Variants in CC2D2B observed in about 807,000 individuals in gnomAD.
CC2D2B encodes the protein coiled-coil and C2 domain containing 2B, also known as protein CC2D2B.
A neutral mutation model predicts 161.2 loss-of-function variants in CC2D2B; 128 were observed. That is an observed-to-expected ratio of 0.79 (90% CI 0.69 to 0.92). CC2D2B has a LOEUF of 0.92. Among genes scored for constraint, CC2D2B ranks in the 40% least tolerant of loss-of-function variants. CC2D2B has a pLI of 0.00. For missense variants in CC2D2B, 1,173 were observed against 1,375.1 expected, an observed-to-expected ratio of 0.85 and a Z score of 2.32; for synonymous variants, 391 against 449.8, an observed-to-expected ratio of 0.87 and a Z score of 1.65.
chr10:96,009,836 C>G lies in CC2D2B; in HGVS notation c.2958C>G (p.Leu986=). 1 of 1,558,702 alleles carries G rather than the reference C, an allele frequency of 6.4e-7. No individual in the cohort carries two copies. The highest frequency in any genetic ancestry group is 8.7e-7 in the Non-Finnish European group (1 of 1,144,476). ...ATTTATTTTCATAGGATCACTGTCT[C>G]AAGAGCTGTAGTGGTCACTCATATA... is the stretch of plus-strand genomic sequence containing the variant. ...MMTEKHEDHC[L]KSCSGHSYIR... is the part of the protein sequence containing the mutation. The change falls in exon 26 of 35, where the codon CTC becomes CTG. Residue 986 remains leucine (L), a synonymous_variant. Transcript: ENST00000646931.
chr10:96,000,376 A>G (rs2078429651), intron 24 of CC2D2B: 1 of 330,512 alleles, frequency 3.0e-6, no homozygotes, highest in Admixed American at 6.5e-5. Flanking sequence ...TTATATATTT[A>G]TCTTTGAGGC....
intron 30 of CC2D2B, among the ~76,000 whole-genome samples, chr10:96,017,259 C>A (rs1307013856): frequency 6.6e-6 from 1 of 152,150 alleles, no homozygotes; most frequent in East Asian, 1.9e-4. Context: ...TACAGTCTTG[C>A]CTTATGGTTT....
intron 17 of CC2D2B, among the ~76,000 whole-genome samples, chr10:95,981,540 C>T (rs879642608): frequency 3.3e-5 from 5 of 151,246 alleles, no homozygotes; most frequent in Admixed American, 1.3e-4. Context: ...ATTTTCTGTG[C>T]TTTCTTAATT....
At chr10:95,917,490 GT>G (rs1300127116) in intron 2 of CC2D2B, among the ~76,000 whole-genome samples, 1 of 151,548 alleles carries the variant, frequency 6.6e-6, no homozygotes, top group Non-Finnish European at 1.5e-5. Flanking sequence ...TCTGTCTTCT[GT>G]TTTTGGTGAA....
chr10:95,990,976 G>A (rs2077930868), intron 20 of CC2D2B, among the ~76,000 whole-genome samples: 1 of 152,174 alleles, frequency 6.6e-6, no homozygotes, highest in East Asian at 1.9e-4. Context: ...AAAATTCCTT[G>A]GGTTTGTAGA....
At chr10:96,026,982 G>A (rs1040728148) in intron 33 of CC2D2B, among the ~76,000 whole-genome samples, 2 of 152,164 alleles carry the variant, frequency 1.3e-5, no homozygotes, top group Non-Finnish European at 2.9e-5. Flanking sequence ...AATTAGCCAC[G>A]TGTGGTGGCA....
At chr10:95,981,482 C>T (rs2077529011) in intron 17 of CC2D2B, among the ~76,000 whole-genome samples, 1 of 149,574 alleles carries the variant, frequency 6.7e-6, no homozygotes, top group African/African-American at 2.4e-5. Flanking sequence ...AATTGCATTA[C>T]TTTCTATTAT....
At chr10:95,971,918 T>C in intron 15 of CC2D2B, 148 bp from the exon 16 acceptor site, 2 of 420,736 alleles carry the variant, frequency 4.8e-6, no homozygotes, top group Non-Finnish European at 8.0e-6. Flanking sequence ...TGGCTGCTTT[T>C]CTCATAATCA....
chr10:96,025,534 C>T (rs947420034), intron 33 of CC2D2B, among the ~76,000 whole-genome samples: 1 of 152,014 alleles, frequency 6.6e-6, no homozygotes, highest in Non-Finnish European at 1.5e-5. Flanking sequence ...CCTGTTGGAG[C>T]CTATAGTAAT....
chr10:96,029,798 TA>T (rs1342038270), intron 34 of CC2D2B, among the ~76,000 whole-genome samples: 1 of 141,566 alleles, frequency 7.1e-6, no homozygotes, highest in Non-Finnish European at 1.5e-5. Flanking sequence ...CTATTTGTAT[TA>T]TTTTTTATTG....
At chr10:95,985,559 G>A (rs750892893) in intron 19 of CC2D2B, among the ~76,000 whole-genome samples, 1 of 152,140 alleles carries the variant, frequency 6.6e-6, no homozygotes, top group Non-Finnish European at 1.5e-5. Context: ...ATCTTCATAA[G>A]CTGAGGATGA....
chr10:96,018,960 C>A, intron 30 of CC2D2B: 1 of 316,508 alleles, frequency 3.2e-6, no homozygotes. Context: ...CCGCTGTGCC[C>A]AGCAAATTAA....
chr10:95,966,248 T>C lies in CC2D2B; in HGVS notation c.1412T>C (p.Leu471Ser). 8.1e-7 allele frequency: 1 copy of C among 1,228,616 alleles called. No individual in the cohort carries two copies. The highest frequency in any genetic ancestry group is 1.0e-6 in the Non-Finnish European group (1 of 985,050). 76.1% of individuals were successfully genotyped at this position (1,228,616 alleles called of 1,614,324 possible). ...ATTGAAAGAATAAAGCCAATTACCT[T>C]GAGGCCACAACTTTCTTTCACTGCA... is the stretch of plus-strand genomic sequence containing the variant. ...TEIERIKPIT[L>S]RPQLSFTAEL... Residue 471 changes from leucine to serine, a missense_variant, in exon 14 of 35, where the codon TTG becomes TCG. Physicochemically the swap from Leu to Ser is moderately radical, Grantham distance 145 (BLOSUM62 -2). Coordinates refer to ENST00000646931, the MANE Select transcript of CC2D2B (RefSeq NM_001349008.3).
Position 95,924,934 on chromosome 10 carries a change from T to C in CC2D2B, c.240+90T>C, listed in dbSNP as rs1590362057. 3 of 729,268 alleles carry C rather than the reference T, an allele frequency of 4.1e-6. No individual in the cohort carries two copies. In the East Asian group the frequency reaches 8.2e-5, roughly 20 times the overall value. The allele number at this position is 729,268 out of a possible 1,614,324, so 45.2% of individuals were successfully genotyped here. On this transcript the variant is annotated intron_variant, in intron 5 of 34. Transcript: ENST00000646931. ...AAACTTCACCCATTTAAAGTGTATA[T>C]GACTCAATGATTTCTAGTTAATTTA...
At position 95,955,404 on chromosome 10, in the gene CC2D2B, T is replaced by A; in HGVS notation, c.1022T>A (p.Leu341Gln). The A allele has an allele frequency of 5.0e-6, 2 of 398,270 alleles. No homozygotes were observed. Among genetic ancestry groups the A allele is most frequent in the Non-Finnish European group, 8.9e-6 (2 of 225,538 alleles). 24.7% of individuals were successfully genotyped at this position (398,270 alleles called of 1,614,324 possible). A position where few individuals can be genotyped will look rare whatever the true frequency, so the allele number is the denominator to read the frequency against. ...TTTTTTTTGTTATAGCTGAAAGCAC[T>A]GACAGATGCTACCAAATTGTCAAAT... ...SQLLYEKLKA[L>Q]TDATKLSNEN... Residue 341 changes from leucine to glutamine, a missense_variant, in exon 11 of 35, where the codon CTG becomes CAG. Physicochemically the swap from Leu to Gln is moderately radical, Grantham distance 113. Transcript: ENST00000646931.
chr10:96,021,838 T>A (rs898159513), intron 32 of CC2D2B, among the ~76,000 whole-genome samples: 12 of 152,214 alleles, frequency 7.9e-5, no homozygotes, highest in African/African-American at 2.7e-4. Flanking sequence ...ACTTATTTTT[T>A]AAAAGTCTAA....
At chr10:95,969,179 GT>G (rs779375355) in intron 15 of CC2D2B, among the ~76,000 whole-genome samples, 3 of 152,162 alleles carry the variant, frequency 2.0e-5, no homozygotes, top group African/African-American at 4.8e-5. Context: ...TTGCAATGAG[GT>G]GGAAAAGTGC....
chr10:96,024,844 C>T lies in CC2D2B; in HGVS notation c.3889-9C>T, dbSNP rs908250987. The T allele has an allele frequency of 1.0e-5, 15 of 1,465,884 alleles. No individual in the cohort carries two copies. Among genetic ancestry groups the T allele is most frequent in the Non-Finnish European group, 1.3e-5 (14 of 1,072,264 alleles). 90.8% of individuals were successfully genotyped at this position (1,465,884 alleles called of 1,614,324 possible). ...TAGAATCTATTCTAACTTTGGTTGTCTATTTCAGCCTGAAGAAATAATTTA... is the reference window on the plus strand; with the variant it reads ...TAGAATCTATTCTAACTTTGGTTGTTTATTTCAGCCTGAAGAAATAATTTA... On this transcript the variant is annotated splice_polypyrimidine_tract_variant and intron_variant, in intron 32 of 34. Transcript: ENST00000646931.
intron 6 of CC2D2B, among the ~76,000 whole-genome samples, chr10:95,934,101 C>T (rs973514481): frequency 2.0e-5 from 3 of 152,208 alleles, no homozygotes; most frequent in African/African-American, 7.2e-5. Context: ...TCTAGAGAGG[C>T]AGTTTGGCTA....
Sources: gnomAD v4.1 joint callset for allele counts (sites outside exome capture counted in the v4.1 genomes callset) on GRCh38, gnomAD v4.1.1 for gene constraint, MANE v1.5 for transcripts, NCBI Gene and HGNC (gene_info 2026-07-23, HGNC 2026-07-21) for gene names.